The following ZNF521 variants were observed in gnomAD, a reference collection of about 807,000 sequenced individuals.
ZNF521 encodes the protein LYST-interacting protein 3.
Under a neutral mutation model 105.5 loss-of-function variants are expected in ZNF521, and 14 were observed. The observed-to-expected ratio is 0.13, with a 90% CI of 0.09 to 0.21. ZNF521 has a LOEUF of 0.21. Among genes scored for constraint, ZNF521 ranks in the 10% least tolerant of loss-of-function variants. The pLI is 1.00. For synonymous variants in ZNF521, 635 were observed against 606.0 expected, an observed-to-expected ratio of 1.05 and a Z score of -0.70; for missense variants, 1,233 against 1,629.7, an observed-to-expected ratio of 0.76 and a Z score of 4.19.
intron 5 of ZNF521, among the ~76,000 whole-genome samples, chr18:25,119,772 G>T (rs1205524445): frequency 6.6e-6 from 1 of 151,556 alleles, no homozygotes; most frequent in Non-Finnish European, 1.5e-5. Context: ...TAAGAAGCTA[G>T]AAAAAGAAGG....
intron 7 of ZNF521, among the ~76,000 whole-genome samples, chr18:25,081,874 A>C (rs2033503124): frequency 6.6e-6 from 1 of 152,206 alleles, no homozygotes; most frequent in African/African-American, 2.4e-5. Flanking sequence ...AGAGAATAAC[A>C]AACTGAGGTT....
At position 25,104,120 on chromosome 18, in the gene ZNF521, T is replaced by C. The variant is rs1446817687; in HGVS notation, c.3659-12039A>G. The stretch of plus-strand genomic sequence containing the variant: ...AAGCTATTAAATATTTCTAAGTCTA[T>C]AATGTCAAATTATAAATATGTCTGG... On this transcript the variant is annotated intron_variant, in intron 5 of 7. Coordinates refer to ENST00000361524, the MANE Select transcript of ZNF521 (RefSeq NM_015461.3). 2.6e-5 allele frequency among the ~76,000 whole-genome samples: 4 copies of C among 152,306 alleles called. No homozygotes were observed. The East Asian group carries it at 7.7e-4, about 29-fold the overall frequency.
At chr18:25,184,648 T>C (rs1041280038) in intron 5 of ZNF521, among the ~76,000 whole-genome samples, 1 of 152,194 alleles carries the variant, frequency 6.6e-6, no homozygotes, top group Non-Finnish European at 1.5e-5. Context: ...TTGAATAGCG[T>C]GGGACTGGCG....
intron 7 of ZNF521, among the ~76,000 whole-genome samples, chr18:25,077,425 C>T (rs1034214477): frequency 1.3e-5 from 2 of 152,214 alleles, no homozygotes; most frequent in Admixed American, 6.5e-5. Flanking sequence ...AGAGCAAGCA[C>T]GCCCTTCCTT....
intron 5 of ZNF521, among the ~76,000 whole-genome samples, chr18:25,172,078 A>G (rs2035458612): frequency 6.6e-6 from 1 of 152,136 alleles, no homozygotes; most frequent in South Asian, 2.1e-4. Flanking sequence ...AATTGTTTTA[A>G]TTGAAAAGAG....
chr18:25,175,987 C>T (rs1000363538), intron 5 of ZNF521, among the ~76,000 whole-genome samples: 2 of 152,318 alleles, frequency 1.3e-5, no homozygotes, highest in East Asian at 1.9e-4. Flanking sequence ...GCCTTACACA[C>T]AATACAGCTA....
At chr18:25,269,106 C>CAA (rs199827639) in intron 3 of ZNF521, among the ~76,000 whole-genome samples, 1,059 of 60,726 alleles carry the variant, frequency 0.017, 18 homozygotes, top group African/African-American at 0.051. Context: ...AAATGGAAAG[C>CAA]AAAAAAAAAA....
In ZNF521 at chr18:25,119,975, T is replaced by C. The variant is rs552449527; in HGVS notation, c.3659-27894A>G. ...TACAAATTATCAGTATATCAAATTA[T>C]CAGGAACGAATAAGTGGCACTATTA... On this transcript the variant is annotated intron_variant, in intron 5 of 7. Transcript: ENST00000361524. Among the ~76,000 whole-genome samples, 7 of 152,272 alleles carry C rather than the reference T, an allele frequency of 4.6e-5. No homozygotes were observed. In the South Asian group the frequency reaches 1.4e-3, roughly 32 times the overall value.
At chr18:25,159,303 A>C (rs2035206105) in intron 5 of ZNF521, among the ~76,000 whole-genome samples, 1 of 152,232 alleles carries the variant, frequency 6.6e-6, no homozygotes, top group African/African-American at 2.4e-5. Context: ...TTTTCTTCAC[A>C]GTACATTTAT....
intron 3 of ZNF521, among the ~76,000 whole-genome samples, chr18:25,275,892 G>A (rs1030659701): frequency 1.3e-5 from 2 of 152,182 alleles, no homozygotes; most frequent in Non-Finnish European, 2.9e-5. Context: ...TGAGGGGAGT[G>A]AGAGAAAGGT....
intron 5 of ZNF521, among the ~76,000 whole-genome samples, chr18:25,124,407 G>T (rs750154426): frequency 1.5e-4 from 23 of 152,250 alleles, no homozygotes; most frequent in South Asian, 1.0e-3. Context: ...AGTAACACAT[G>T]AATAAAGTCA....
At chr18:25,253,590 G>C (rs1296862809) in intron 3 of ZNF521, among the ~76,000 whole-genome samples, 2 of 152,070 alleles carry the variant, frequency 1.3e-5, no homozygotes, top group Admixed American at 1.3e-4. Flanking sequence ...GAATAAAAAA[G>C]ACTCCATATT....
intron 3 of ZNF521, among the ~76,000 whole-genome samples, chr18:25,233,125 T>C (rs1229208962): frequency 6.6e-6 from 1 of 152,202 alleles, no homozygotes; most frequent in African/African-American, 2.4e-5. Flanking sequence ...GTTACTTCAA[T>C]GCCAACACAG....
intron 7 of ZNF521, among the ~76,000 whole-genome samples, chr18:25,086,705 T>C (rs1360631968): frequency 6.6e-6 from 1 of 152,120 alleles, no homozygotes; most frequent in Non-Finnish European, 1.5e-5. Flanking sequence ...CAAATATATA[T>C]AATTTAGAGT....
intron 3 of ZNF521, among the ~76,000 whole-genome samples, chr18:25,239,391 A>T (rs1306542986): frequency 6.6e-6 from 1 of 152,222 alleles, no homozygotes; most frequent in Non-Finnish European, 1.5e-5. Flanking sequence ...TCAAGTGTGT[A>T]CATGAAAAAG....
intron 5 of ZNF521, among the ~76,000 whole-genome samples, chr18:25,117,469 T>G (rs1223984871): frequency 6.6e-6 from 1 of 152,148 alleles, no homozygotes; most frequent in Non-Finnish European, 1.5e-5. Context: ...ACTTAGATGT[T>G]AGAACTAGCA....
intron 4 of ZNF521, among the ~76,000 whole-genome samples, chr18:25,214,842 A>G (rs1214002160): frequency 6.6e-6 from 1 of 152,180 alleles, no homozygotes; most frequent in Non-Finnish European, 1.5e-5. Context: ...CAGGAGATGC[A>G]GATAGAAGAG....
At chr18:25,307,075 C>T (rs1347689036) in intron 3 of ZNF521, among the ~76,000 whole-genome samples, 1 of 152,124 alleles carries the variant, frequency 6.6e-6, no homozygotes, top group African/African-American at 2.4e-5. Context: ...CACAACTAAT[C>T]AATTACTACA....
intron 4 of ZNF521, among the ~76,000 whole-genome samples, chr18:25,208,803 C>A (rs2036126996): frequency 6.6e-6 from 1 of 152,204 alleles, no homozygotes; most frequent in Non-Finnish European, 1.5e-5. Flanking sequence ...CCTCAGCCTC[C>A]TGAGTAGCTG....
Sources: gnomAD v4.1 joint callset for allele counts (sites outside exome capture counted in the v4.1 genomes callset) on GRCh38, gnomAD v4.1.1 for gene constraint, MANE v1.5 for transcripts, NCBI Gene and HGNC (gene_info 2026-07-23, HGNC 2026-07-21) for gene names.